Variants in GRIK4 observed in about 807,000 individuals in gnomAD.
GRIK4 encodes the protein glutamate ionotropic receptor kainate type subunit 4.
Under a neutral mutation model 104.9 loss-of-function variants are expected in GRIK4, and 40 were observed. The observed-to-expected ratio is 0.38, with a 90% CI of 0.30 to 0.50. GRIK4 has a LOEUF of 0.50. Among genes scored for constraint, GRIK4 ranks in the 20% least tolerant of loss-of-function variants. GRIK4 has a pLI of 0.93. For missense variants in GRIK4, 1,047 were observed against 1,308.1 expected, an observed-to-expected ratio of 0.80 and a Z score of 3.08; for synonymous variants, 485 against 524.9, an observed-to-expected ratio of 0.92 and a Z score of 1.04.
At chr11:120,917,247 C>CAAAAAAAAAAAAAAAAAA in intron 13 of GRIK4, among the ~76,000 whole-genome samples, 1 of 34,798 alleles carries the variant, frequency 2.9e-5, no homozygotes, top group Non-Finnish European at 5.2e-5. Context: ...AACTCCGTCT[C>CAAAAAAAAAAAAAAAAAA]AAAAAAAAAA....
intron 3 of GRIK4, among the ~76,000 whole-genome samples, chr11:120,677,963 G>A (rs995419762): frequency 1.3e-5 from 2 of 152,192 alleles, no homozygotes; most frequent in African/African-American, 4.8e-5. Flanking sequence ...ATTTGGGTGT[G>A]GAAACTGAGG....
intron 1 of GRIK4, among the ~76,000 whole-genome samples, chr11:120,627,947 C>T (rs1034942466): frequency 2.6e-5 from 4 of 152,216 alleles, no homozygotes; most frequent in Non-Finnish European, 2.9e-5. Context: ...CTTCTAATTC[C>T]CCTGAGCCTC....
chr11:120,864,342 G>A (rs1054520742), intron 9 of GRIK4, among the ~76,000 whole-genome samples: 1 of 151,858 alleles, frequency 6.6e-6, no homozygotes, highest in African/African-American at 2.4e-5. Flanking sequence ...CCGGGTTCAC[G>A]CCATTCTCCT....
At chr11:120,560,497 C>T (rs773271636) in intron 1 of GRIK4, among the ~76,000 whole-genome samples, 6 of 152,120 alleles carry the variant, frequency 3.9e-5, no homozygotes, top group South Asian at 2.1e-4. Flanking sequence ...CAGTGATATA[C>T]GGAAGTAAAC....
At chr11:120,969,781 G>A (rs188866344) in intron 19 of GRIK4, among the ~76,000 whole-genome samples, 19 of 152,224 alleles carry the variant, frequency 1.2e-4, no homozygotes, top group African/African-American at 4.6e-4. Context: ...GGTGAACCTG[G>A]GGCCTAGAGC....
At chr11:120,643,040 A>G (rs987409715) in intron 1 of GRIK4, among the ~76,000 whole-genome samples, 2 of 152,088 alleles carry the variant, frequency 1.3e-5, no homozygotes, top group African/African-American at 4.8e-5. Context: ...CATTCAACAC[A>G]TTTACTGAGC....
intron 11 of GRIK4, among the ~76,000 whole-genome samples, chr11:120,879,994 G>C (rs1421527801): frequency 6.6e-6 from 1 of 152,224 alleles, no homozygotes; most frequent in African/African-American, 2.4e-5. Flanking sequence ...CTTTGTTAGT[G>C]CTGTAATAAG....
rs993258429 is a variant in GRIK4, at chr11:120,956,367, A to G, written c.1701-413A>G. The stretch of plus-strand genomic sequence containing the variant: ...CAGGCACACACCACCATACCTGGCT[A>G]ATTTTTTTGTATTTTTTAGTAGAGA... On this transcript the variant is annotated intron_variant, in intron 15 of 20. Coordinates refer to ENST00000527524, the MANE Select transcript of GRIK4 (RefSeq NM_014619.5). The surrounding 1 kb of genome is among the most constrained non-coding windows in gnomAD (Gnocchi z 4.6). Among the ~76,000 whole-genome samples, 3 of 151,870 alleles carry G rather than the reference A, an allele frequency of 2.0e-5. No homozygotes were observed. Among genetic ancestry groups the G allele is most frequent in the Non-Finnish European group, 2.9e-5 (2 of 67,974 alleles).
chr11:120,820,934 C>T (rs1953108918), intron 6 of GRIK4, among the ~76,000 whole-genome samples: 1 of 152,226 alleles, frequency 6.6e-6, no homozygotes, highest in African/African-American at 2.4e-5. Context: ...TCAATCTGTG[C>T]TACCCAAGAA....
intron 13 of GRIK4, among the ~76,000 whole-genome samples, chr11:120,920,506 C>T (rs983182989): frequency 6.6e-6 from 1 of 152,166 alleles, no homozygotes; most frequent in Non-Finnish European, 1.5e-5. Flanking sequence ...ACCACAGCAG[C>T]GTCATTCATC....
At chr11:120,565,675 C>T (rs1170403581) in intron 1 of GRIK4, among the ~76,000 whole-genome samples, 5 of 152,198 alleles carry the variant, frequency 3.3e-5, no homozygotes, top group Non-Finnish European at 5.9e-5. Context: ...GCAGCGCTCA[C>T]GGTTAATGAG....
intron 18 of GRIK4, among the ~76,000 whole-genome samples, chr11:120,963,243 T>C (rs2134737526): frequency 6.6e-6 from 1 of 152,338 alleles, no homozygotes; most frequent in African/African-American, 2.4e-5. Context: ...GAAGGGGCAG[T>C]AAGGCTCTGG....
intron 6 of GRIK4, among the ~76,000 whole-genome samples, chr11:120,820,629 T>C (rs1305975868): frequency 6.6e-6 from 1 of 152,228 alleles, no homozygotes; most frequent in Non-Finnish European, 1.5e-5. Context: ...TGGCTACTGC[T>C]GGAACCCAGT....
intron 3 of GRIK4, among the ~76,000 whole-genome samples, chr11:120,713,828 G>T (rs1169766974): frequency 1.3e-5 from 2 of 152,298 alleles, no homozygotes; most frequent in East Asian, 3.9e-4. Flanking sequence ...AGCAGCTTTG[G>T]AAGATAGGGA....
chr11:120,639,008 C>G (rs569071373), intron 1 of GRIK4, among the ~76,000 whole-genome samples: 2 of 151,780 alleles, frequency 1.3e-5, no homozygotes, highest in South Asian at 4.2e-4. Context: ...ACCAGCCTGT[C>G]CAGCATGGCG....
chr11:120,637,697 T>C lies in GRIK4; in HGVS notation c.-158-15988T>C, dbSNP rs547619684. The stretch of plus-strand genomic sequence containing the variant: ...GATCTGAAGCTGAAGCTGGTTTAAA[T>C]GTTCATTTGTCTCTGCCCAGGTTTT... On this transcript the variant is annotated intron_variant, in intron 1 of 20. Coordinates refer to ENST00000527524, the MANE Select transcript of GRIK4 (RefSeq NM_014619.5). Among the ~76,000 whole-genome samples, 7 of 152,240 alleles carry C rather than the reference T, an allele frequency of 4.6e-5. No individual in the cohort carries two copies. In the East Asian group the frequency reaches 1.4e-3, roughly 29 times the overall value.
intron 3 of GRIK4, among the ~76,000 whole-genome samples, chr11:120,697,440 A>C (rs1950469701): frequency 6.6e-6 from 1 of 152,006 alleles, no homozygotes; most frequent in Non-Finnish European, 1.5e-5. Flanking sequence ...ACATGGTGAA[A>C]CCCCGTCTCT....
intron 13 of GRIK4, among the ~76,000 whole-genome samples, chr11:120,929,167 T>C (rs1443714874): frequency 6.6e-6 from 1 of 152,182 alleles, no homozygotes; most frequent in Non-Finnish European, 1.5e-5. Flanking sequence ...GTCTCCCCAG[T>C]GGACAAGGAC....
intron 13 of GRIK4, among the ~76,000 whole-genome samples, chr11:120,927,060 C>T (rs1943363064): frequency 6.6e-6 from 1 of 152,062 alleles, no homozygotes; most frequent in Non-Finnish European, 1.5e-5. Flanking sequence ...AACTCCAAGA[C>T]CCCAAGGTGG....
Sources: gnomAD v4.1 joint callset for allele counts (sites outside exome capture counted in the v4.1 genomes callset) on GRCh38, gnomAD v4.1.1 for gene constraint, Gnocchi (gnomAD v3.1) non-coding constraint, MANE v1.5 for transcripts, NCBI Gene and HGNC (gene_info 2026-07-23, HGNC 2026-07-21) for gene names.